Variants in MEGF11 observed in about 807,000 individuals in gnomAD.
MEGF11 encodes the protein multiple EGF like domains 11.
MEGF11 carries 126 observed loss-of-function variants against 146.6 expected under a neutral mutation model. The ratio of observed to expected loss-of-function variants is 0.86; its 90% confidence interval spans 0.74 to 1.00. The LOEUF is 1.00. MEGF11 is among the 50% of genes least tolerant of loss of function. The probability of loss-of-function intolerance (pLI) is 0.00; values close to 1 mark genes in which losing one functional copy is unlikely to be tolerated. For synonymous variants in MEGF11, 532 were observed against 583.4 expected (o/e 0.91, Z 1.27); for missense variants, 1,509 against 1,521.2 (o/e 0.99, Z 0.13).
intron 2 of MEGF11, among the ~76,000 whole-genome samples, chr15:66,125,241 A>G (rs1173451325): frequency 6.6e-6 from 1 of 152,186 alleles, no homozygotes; most frequent in African/African-American, 2.4e-5. Context: ...ACCAGCTGGC[A>G]CACCTGAGAT....
intron 4 of MEGF11, among the ~76,000 whole-genome samples, chr15:66,108,881 C>T (rs1362101186): frequency 6.6e-6 from 1 of 152,206 alleles, no homozygotes; most frequent in Non-Finnish European, 1.5e-5. Context: ...ACTTCATGGG[C>T]TTCAGCTGGC....
chr15:65,929,046 C>A (rs565528417), intron 12 of MEGF11, among the ~76,000 whole-genome samples: 55 of 152,218 alleles, frequency 3.6e-4, no homozygotes, highest in African/African-American at 1.3e-3. Context: ...GATATGATTC[C>A]ATTGTATTCC....
chr15:66,049,572 T>C (rs956289095), intron 5 of MEGF11, among the ~76,000 whole-genome samples: 13 of 152,344 alleles, frequency 8.5e-5, no homozygotes, highest in African/African-American at 2.6e-4. Context: ...GCCATTTGCA[T>C]ACTTTACAGG....
At chr15:65,916,483 G>A (rs1349183719) in intron 17 of MEGF11, 5 of 708,314 alleles carry the variant, frequency 7.1e-6, no homozygotes, top group Non-Finnish European at 1.1e-5. Context: ...AGACAGAGGG[G>A]CCTTGGAACC....
At chr15:66,202,639 A>G (rs535097402) in intron 1 of MEGF11, among the ~76,000 whole-genome samples, 5 of 152,260 alleles carry the variant, frequency 3.3e-5, no homozygotes, top group African/African-American at 1.2e-4. Context: ...CTGATCCCCA[A>G]CTGTCCAACC....
At chr15:65,942,777 C>T (rs2080045683) in intron 10 of MEGF11, among the ~76,000 whole-genome samples, 2 of 152,006 alleles carry the variant, frequency 1.3e-5, no homozygotes, top group South Asian at 4.1e-4. Flanking sequence ...GGATTCAGAG[C>T]ATCTCTTACA....
At chr15:66,005,797 G>A (rs933934770) in intron 5 of MEGF11, among the ~76,000 whole-genome samples, 1 of 152,170 alleles carries the variant, frequency 6.6e-6, no homozygotes, top group Non-Finnish European at 1.5e-5. Context: ...TAAAGTGCTA[G>A]CAGGCTGAGT....
chr15:66,212,539 G>A (rs1199527253), intron 1 of MEGF11, among the ~76,000 whole-genome samples: 1 of 152,220 alleles, frequency 6.6e-6, no homozygotes, highest in Non-Finnish European at 1.5e-5. Context: ...CTAGAGCCAG[G>A]CTGGGCTGGC....
intron 4 of MEGF11, among the ~76,000 whole-genome samples, chr15:66,109,395 C>T (rs765527352): frequency 1.3e-5 from 2 of 152,170 alleles, no homozygotes; most frequent in African/African-American, 4.8e-5. Flanking sequence ...CTCATGCTGC[C>T]CCTCTGCCAG....
chr15:66,246,622 T>C (rs2092299630), intron 1 of MEGF11, among the ~76,000 whole-genome samples: 1 of 151,452 alleles, frequency 6.6e-6, no homozygotes, highest in Non-Finnish European at 1.5e-5. Context: ...CTGGGCAATA[T>C]GGCAAAACCC....
intron 10 of MEGF11, among the ~76,000 whole-genome samples, chr15:65,932,837 C>T (rs1321113724): frequency 6.6e-6 from 1 of 152,044 alleles, no homozygotes; most frequent in African/African-American, 2.4e-5. Flanking sequence ...GGCCTTACAC[C>T]TAAGCTTTCC....
At chr15:66,249,537 A>C (rs1028876083) in intron 1 of MEGF11, among the ~76,000 whole-genome samples, 8 of 152,180 alleles carry the variant, frequency 5.3e-5, no homozygotes, top group African/African-American at 1.7e-4. Flanking sequence ...TGTGCTGATG[A>C]AGATAAAATA....
intron 4 of MEGF11, among the ~76,000 whole-genome samples, chr15:66,110,527 G>C (rs757732062): frequency 3.3e-5 from 5 of 152,144 alleles, no homozygotes; most frequent in Admixed American, 2.6e-4. Flanking sequence ...TTCTGTGATG[G>C]CATCTCTCCC....
chr15:65,986,057 T>G (rs999773849), intron 5 of MEGF11, among the ~76,000 whole-genome samples: 1 of 151,880 alleles, frequency 6.6e-6, no homozygotes, highest in South Asian at 2.1e-4. Context: ...GTTCAAGCGA[T>G]TCTCCTGCCT....
intron 1 of MEGF11, among the ~76,000 whole-genome samples, chr15:66,228,588 G>T (rs532806810): frequency 1.3e-5 from 2 of 152,174 alleles, no homozygotes; most frequent in South Asian, 4.2e-4. Flanking sequence ...ACCCCAGAGA[G>T]AAGATGGCTC....
At chr15:66,102,622 G>A (rs2086872721) in intron 4 of MEGF11, among the ~76,000 whole-genome samples, 1 of 151,660 alleles carries the variant, frequency 6.6e-6, no homozygotes, top group African/African-American at 2.4e-5. Context: ...TAGAAACAGG[G>A]TCTTTCTCAT....
intron 5 of MEGF11, among the ~76,000 whole-genome samples, chr15:66,014,738 G>T (rs142568454): frequency 7.9e-4 from 120 of 152,260 alleles, no homozygotes; most frequent in Non-Finnish European, 1.4e-3. Flanking sequence ...TTAAACTGCT[G>T]AGAACTCTCC....
chr15:65,907,848 C>G (rs1313410107), intron 23 of MEGF11, among the ~76,000 whole-genome samples: 10 of 152,276 alleles, frequency 6.6e-5, no homozygotes, highest in Non-Finnish European at 1.3e-4. Context: ...GAGCCCAGAT[C>G]TCTCCAAGTA....
At chr15:65,975,826 C>T (rs1379406254) in intron 7 of MEGF11, among the ~76,000 whole-genome samples, 3 of 152,112 alleles carry the variant, frequency 2.0e-5, no homozygotes, top group African/African-American at 7.2e-5. Context: ...AAGTTGACAC[C>T]TGATGAGGTG....
Sources: gnomAD v4.1 joint callset for allele counts (sites outside exome capture counted in the v4.1 genomes callset) on GRCh38, gnomAD v4.1.1 for gene constraint, MANE v1.5 for transcripts, NCBI Gene and HGNC (gene_info 2026-07-23, HGNC 2026-07-21) for gene names.